The following INSL6 variants were observed in gnomAD, a reference collection of about 807,000 sequenced individuals.
The protein encoded by INSL6 is insulin like 6.
In INSL6, 16 loss-of-function variants were observed where a neutral mutation model predicts 9.4. The observed-to-expected ratio is 1.70, with a 90% confidence interval of 1.15 to 2.59. The LOEUF is 2.59. Ranked by LOEUF, INSL6 falls within the 30% of genes most tolerant of loss-of-function variation. The probability of loss-of-function intolerance (pLI) is 0.00; values close to 1 mark genes in which losing one functional copy is unlikely to be tolerated. For missense variants in INSL6, 391 were observed against 257.3 expected (o/e 1.52, Z -3.56); for synonymous variants, 154 against 96.9 (o/e 1.59, Z -3.46).
downstream of INSL6, chr9:5,163,807 T>C (rs577616526): frequency 1.5e-5 from 11 of 740,454 alleles, no homozygotes; most frequent in African/African-American, 1.6e-4. Flanking sequence ...TGCAAGTACA[T>C]TCAGACATTT....
downstream of INSL6, among the ~76,000 whole-genome samples, chr9:5,121,929 T>C (rs115684200): frequency 1.6e-4 from 25 of 152,252 alleles, no homozygotes; most frequent in African/African-American, 6.0e-4. Context: ...TTCAAGAACT[T>C]TGCATTCCCC....
the INSL6 span, chr9:5,085,813 TA>T: frequency 1.3e-6 from 1 of 758,774 alleles, no homozygotes. Context: ...AGTACCACAA[TA>T]ATTGATCGAA....
At chr9:5,138,880 G>A (rs547422127) in intron 2 of INSL6, among the ~76,000 whole-genome samples, 5 of 151,240 alleles carry the variant, frequency 3.3e-5, no homozygotes, top group Admixed American at 6.6e-5. Context: ...GTACTCTTCT[G>A]TCGGGTTGTT....
the INSL6 span, among the ~76,000 whole-genome samples, chr9:5,034,369 T>C: frequency 2.0e-5 from 3 of 152,068 alleles, no homozygotes; most frequent in South Asian, 2.1e-4. Flanking sequence ...AGGAATTGAA[T>C]TCAGCTCTGG....
chr9:5,000,607 C>G, the INSL6 span, among the ~76,000 whole-genome samples: 2 of 152,196 alleles, frequency 1.3e-5, no homozygotes, highest in Admixed American at 1.3e-4. Context: ...TCTTTTTAAA[C>G]TTTTTGAGCT....
chr9:5,102,454 C>G, the INSL6 span, among the ~76,000 whole-genome samples: 1 of 152,134 alleles, frequency 6.6e-6, no homozygotes, highest in African/African-American at 2.4e-5. Flanking sequence ...TGGAACCAAG[C>G]TGGAAAACAC....
chr9:5,141,898 T>C (rs1265241037), intron 2 of INSL6, among the ~76,000 whole-genome samples: 2 of 152,164 alleles, frequency 1.3e-5, no homozygotes, highest in South Asian at 2.1e-4. Context: ...TTTTTGTATA[T>C]GGTGTAAGGA....
the INSL6 span, among the ~76,000 whole-genome samples, chr9:5,101,218 C>G: frequency 6.6e-6 from 1 of 152,236 alleles, no homozygotes; most frequent in Non-Finnish European, 1.5e-5. Flanking sequence ...AATGGCACAC[C>G]AGGAGATTAT....
the INSL6 span, chr9:5,097,209 T>G: frequency 6.6e-6 from 1 of 152,234 alleles, no homozygotes; most frequent in Admixed American, 6.5e-5. Context: ...AACACCCCTT[T>G]TCGTCCAACC....
At chr9:5,048,933 A>C in the INSL6 span, among the ~76,000 whole-genome samples, 1 of 152,120 alleles carries the variant, frequency 6.6e-6, no homozygotes, top group South Asian at 2.1e-4. Flanking sequence ...AATTGGTATT[A>C]TGTTTAGAAT....
At chr9:5,008,235 A>C in the INSL6 span, among the ~76,000 whole-genome samples, 1 of 152,118 alleles carries the variant, frequency 6.6e-6, no homozygotes, top group African/African-American at 2.4e-5. Context: ...TCCATTGTTT[A>C]TGTTTTGAAT....
the INSL6 span, chr9:5,090,570 G>C: frequency 6.4e-7 from 1 of 1,568,516 alleles, no homozygotes; most frequent in Non-Finnish European, 8.6e-7. Flanking sequence ...AGATATGCAA[G>C]GTAACTAATA....
the INSL6 span, among the ~76,000 whole-genome samples, chr9:5,073,961 G>A: frequency 6.6e-6 from 1 of 152,026 alleles, no homozygotes; most frequent in Admixed American, 6.6e-5. Context: ...TTGTGAAAAA[G>A]GAAAGCAATG....
the INSL6 span, chr9:5,066,726 A>G: frequency 1.9e-6 from 3 of 1,608,458 alleles, no homozygotes; most frequent in Admixed American, 5.1e-5. Flanking sequence ...ATCAGACTGG[A>G]CTGTATGTAC....
the INSL6 span, chr9:5,099,044 A>G: frequency 6.6e-6 from 1 of 152,100 alleles, no homozygotes; most frequent in African/African-American, 2.4e-5. Context: ...AAACCAGGAG[A>G]ACTTCGACTC....
chr9:5,112,864 T>A, the INSL6 span: 1 of 458,666 alleles, frequency 2.2e-6, no homozygotes, highest in Non-Finnish European at 3.5e-6. Context: ...TACGCCTCCG[T>A]GGGACGAGCC....
chr9:5,033,717 C>G, the INSL6 span, among the ~76,000 whole-genome samples: 2 of 152,144 alleles, frequency 1.3e-5, no homozygotes, highest in Non-Finnish European at 2.9e-5. Context: ...ACCAGGCCTG[C>G]CCTAAAAGAG....
At chr9:5,112,028 T>A in the INSL6 span, 1 of 407,252 alleles carries the variant, frequency 2.5e-6, no homozygotes, top group East Asian at 7.2e-5. Context: ...CAGGAGTCCC[T>A]GGTGCCTTAT....
the INSL6 span, among the ~76,000 whole-genome samples, chr9:5,001,794 A>G: frequency 6.6e-6 from 1 of 152,160 alleles, no homozygotes; most frequent in Admixed American, 6.5e-5. Context: ...CAGGGAAGTC[A>G]CTTTGGCCAA....
Sources: gnomAD v4.1 joint callset for allele counts (sites outside exome capture counted in the v4.1 genomes callset) on GRCh38, gnomAD v4.1.1 for gene constraint, MANE v1.5 for transcripts, NCBI Gene and HGNC (gene_info 2026-07-23, HGNC 2026-07-21) for gene names.